Variants in CNOT2 observed in about 807,000 individuals in gnomAD.
CNOT2 encodes the protein CCR4-NOT transcription complex subunit 2.
A neutral mutation model predicts 72.1 loss-of-function variants in CNOT2; 7 were observed. That is an observed-to-expected ratio of 0.10 (90% CI 0.06 to 0.18). The LOEUF (loss-of-function observed/expected upper bound fraction) is 0.18, where lower values mean the gene tolerates loss of function less well. CNOT2 is among the 10% of genes least tolerant of loss of function. The pLI is 1.00. For missense variants in CNOT2, 345 were observed against 660.3 expected, an observed-to-expected ratio of 0.52 and a Z score of 5.23; for synonymous variants, 196 against 225.6, an observed-to-expected ratio of 0.87 and a Z score of 1.17.
intron 1 of CNOT2, 199 bp downstream of exon 1, chr12:70,243,679 G>T (rs1181584833): frequency 1.3e-5 from 2 of 151,354 alleles, no homozygotes; most frequent in Non-Finnish European, 3.0e-5. Flanking sequence ...AGCGGGCGGG[G>T]AGGGGGGTGG....
intron 2 of CNOT2, among the ~76,000 whole-genome samples, chr12:70,293,289 T>G (rs1872249824): frequency 6.6e-6 from 1 of 151,806 alleles, no homozygotes; most frequent in Non-Finnish European, 1.5e-5. Context: ...GCCTCCCGAG[T>G]AGCTGGGGTT....
At chr12:70,253,462 T>C (rs1245346962) in intron 1 of CNOT2, among the ~76,000 whole-genome samples, 2 of 152,202 alleles carry the variant, frequency 1.3e-5, no homozygotes, top group Admixed American at 1.3e-4. Flanking sequence ...TTAGCACCTT[T>C]TATTTATTTT....
chr12:70,325,323 C>A (rs922402492), intron 4 of CNOT2, among the ~76,000 whole-genome samples: 2 of 151,820 alleles, frequency 1.3e-5, no homozygotes, highest in African/African-American at 4.8e-5. Context: ...CATGGAAACA[C>A]CTGGGGAATT....
At chr12:70,344,280 G>A in intron 14 of CNOT2, 52 bp downstream of exon 14, 1 of 1,103,892 alleles carries the variant, frequency 9.1e-7, no homozygotes, top group Non-Finnish European at 1.4e-6. Context: ...TCTTGACTAT[G>A]CTGAAAACAT....
chr12:70,346,445 G>A, intron 15 of CNOT2, 121 bp downstream of exon 15: 1 of 730,422 alleles, frequency 1.4e-6, no homozygotes, highest in Non-Finnish European at 2.2e-6. Flanking sequence ...TTTGCCAACT[G>A]TTTAATTCCA....
Position 70,354,128 on chromosome 12 carries a change from C to T in CNOT2, c.*213C>T. 1 of 952,320 alleles carries T rather than the reference C, an allele frequency of 1.1e-6. No homozygotes were observed. The highest frequency in any genetic ancestry group is 1.4e-6 in the Non-Finnish European group (1 of 709,816). The allele number at this position is 952,320 out of a possible 1,614,324, so 59.0% of individuals were successfully genotyped here. A position where few individuals can be genotyped will look rare whatever the true frequency, so the allele number is the denominator to read the frequency against. On this transcript the variant is annotated 3_prime_UTR_variant, in exon 16 of 16. Transcript: ENST00000229195. The stretch of plus-strand genomic sequence containing the variant: ...ACAACTAAATTTGTAATTTGTTTTT[C>T]TCTAGTTTGAGCAGGGTCTGAATTT...
intron 11 of CNOT2, among the ~76,000 whole-genome samples, chr12:70,340,671 A>G (rs1332962542): frequency 6.6e-6 from 1 of 152,018 alleles, no homozygotes; most frequent in Non-Finnish European, 1.5e-5. Flanking sequence ...GAATCTAACC[A>G]AAGCTCACTA....
intron 15 of CNOT2, among the ~76,000 whole-genome samples, chr12:70,352,537 A>G (rs1161937035): frequency 2.0e-5 from 3 of 152,208 alleles, no homozygotes; most frequent in Admixed American, 6.5e-5. Context: ...AATACTCATC[A>G]TGGAATCAGT....
chr12:70,347,877 A>G (rs1882394754), intron 15 of CNOT2: 1 of 152,226 alleles, frequency 6.6e-6, no homozygotes, highest in East Asian at 1.9e-4. Flanking sequence ...AATTAAAAAT[A>G]GTGCCTGAGC....
At chr12:70,312,002 TTC>T (rs1471285297) in intron 3 of CNOT2, among the ~76,000 whole-genome samples, 1 of 152,032 alleles carries the variant, frequency 6.6e-6, no homozygotes, top group Admixed American at 6.5e-5. Flanking sequence ...ATGTTTGTTA[TTC>T]TGTTTTTGTA....
intron 1 of CNOT2, among the ~76,000 whole-genome samples, chr12:70,256,312 T>C (rs1958436068): frequency 6.6e-6 from 1 of 152,128 alleles, no homozygotes; most frequent in African/African-American, 2.4e-5. Flanking sequence ...TTCCTTTGAT[T>C]TGGAACATCT....
At chr12:70,278,005 G>A (rs1222309175) in intron 1 of CNOT2, 127 bp from the exon 2 acceptor site, 4 of 411,080 alleles carry the variant, frequency 9.7e-6, no homozygotes, top group African/African-American at 8.2e-5. Context: ...TGGTTACGAG[G>A]AAGACTAGAG....
Position 70,353,931 on chromosome 12 carries a change from A to AAAAAAAAAG in CNOT2, c.*23_*24insAGAAAAAAA, listed in dbSNP as rs764795226. The AAAAAAAAAG allele has an allele frequency of 6.3e-6, 10 of 1,580,430 alleles. No homozygotes were observed. In the East Asian group the frequency reaches 2.2e-4, roughly 35 times the overall value. ...AGCCTTCTAAAAAAAAAAAAAAAAA[A>AAAAAAAAAG]AAAAAAAGACTTCCCTTTTCTTGGG... On this transcript the variant is annotated 3_prime_UTR_variant, in exon 16 of 16. Coordinates refer to ENST00000229195, the MANE Select transcript of CNOT2 (RefSeq NM_014515.7).
At chr12:70,324,968 CCA>C (rs1878859343) in intron 4 of CNOT2, among the ~76,000 whole-genome samples, 2 of 151,850 alleles carry the variant, frequency 1.3e-5, no homozygotes, top group Non-Finnish European at 2.9e-5. Flanking sequence ...TTTTCTGCTT[CCA>C]GACTCACTCT....
intron 5 of CNOT2, 60 bp downstream of exon 5, chr12:70,329,630 T>G (rs980876424): frequency 1.1e-4 from 136 of 1,257,440 alleles, no homozygotes; most frequent in Admixed American, 7.2e-4. Context: ...AAACAAACTT[T>G]TAGTTTTTTA....
At chr12:70,318,587 G>A (rs1242220214) in intron 3 of CNOT2, among the ~76,000 whole-genome samples, 1 of 151,766 alleles carries the variant, frequency 6.6e-6, no homozygotes, top group African/African-American at 2.4e-5. Flanking sequence ...ATACCTTTGT[G>A]TAGCTCCAGT....
intron 15 of CNOT2, among the ~76,000 whole-genome samples, chr12:70,349,022 G>A (rs1442641909): frequency 2.0e-5 from 3 of 151,964 alleles, no homozygotes; most frequent in African/African-American, 7.3e-5. Context: ...TTGGTACCTT[G>A]CACTGACACG....
At chr12:70,297,774 G>T (rs1049031190) in intron 2 of CNOT2, 3 of 364,280 alleles carry the variant, frequency 8.2e-6, no homozygotes, top group Non-Finnish European at 1.6e-5. Context: ...GTCTCACTCT[G>T]TCACCCAGGC....
chr12:70,304,813 G>A (rs944125580), intron 2 of CNOT2, among the ~76,000 whole-genome samples: 1 of 152,224 alleles, frequency 6.6e-6, no homozygotes, highest in African/African-American at 2.4e-5. Flanking sequence ...GAGCTGTGGT[G>A]GGCTCCACCC....
Sources: allele counts gnomAD v4.1 joint callset (sites outside exome capture counted in the v4.1 genomes callset), GRCh38; gene constraint gnomAD v4.1.1; transcripts MANE v1.5; gene names NCBI Gene and HGNC (gene_info 2026-07-23, HGNC 2026-07-21).